The following CDH3 variants were observed in gnomAD, a reference collection of about 807,000 sequenced individuals.
CDH3 encodes cadherin 3.
In CDH3, 54 loss-of-function variants were observed where a neutral mutation model predicts 82.0. That is an observed-to-expected ratio of 0.66 (90% CI 0.53 to 0.83). CDH3 has a LOEUF of 0.83. CDH3 is among the 40% of genes least tolerant of loss of function. The probability of loss-of-function intolerance (pLI) is 0.00; values close to 1 mark genes in which losing one functional copy is unlikely to be tolerated. For synonymous variants in CDH3, 446 were observed against 437.9 expected (o/e 1.02, Z -0.23); for missense variants, 1,054 against 1,084.6 (o/e 0.97, Z 0.40).
chr16:68,681,166 T>G, intron 8 of CDH3, 70 bp downstream of exon 8: 1 of 1,565,906 alleles, frequency 6.4e-7, no homozygotes. Context: ...CTCAGGAAAC[T>G]GGAACCAGTC....
intron 13 of CDH3, 62 bp from the exon 14 acceptor site, chr16:68,695,193 C>T: frequency 6.3e-7 from 1 of 1,596,130 alleles, no homozygotes; most frequent in Non-Finnish European, 8.6e-7. Flanking sequence ...CTCTGAGGGC[C>T]TGGGGGTCTT....
downstream of CDH3, among the ~76,000 whole-genome samples, chr16:68,705,061 C>CA (rs369986566): frequency 6.0e-5 from 9 of 150,890 alleles, no homozygotes; most frequent in East Asian, 1.9e-4. Context: ...GACCCTGCCT[C>CA]AAAAAAAACG....
At chr16:68,729,545 G>T (rs571786314), downstream of CDH3, among the ~76,000 whole-genome samples, 77 of 152,150 alleles carry the variant, frequency 5.1e-4, no homozygotes, top group Non-Finnish European at 3.5e-4. Context: ...TGAACAAAAA[G>T]GGATGGAGAA....
chr16:68,670,301 T>C (rs1292913214), intron 2 of CDH3, among the ~76,000 whole-genome samples: 1 of 151,892 alleles, frequency 6.6e-6, no homozygotes, highest in African/African-American at 2.4e-5. Context: ...CGAACCTGGC[T>C]TTAGAACCTG....
chr16:68,668,767 G>A (rs1960808214), intron 2 of CDH3, among the ~76,000 whole-genome samples: 1 of 152,152 alleles, frequency 6.6e-6, no homozygotes, highest in African/African-American at 2.4e-5. Context: ...TTCCCACTTT[G>A]AGAGAGAATT....
At chr16:68,647,491 CT>C (rs908193916) in intron 2 of CDH3, among the ~76,000 whole-genome samples, 10 of 152,136 alleles carry the variant, frequency 6.6e-5, no homozygotes, top group African/African-American at 2.2e-4. Flanking sequence ...GGAAATTCAG[CT>C]TTCTCGGATG....
intron 7 of CDH3, among the ~76,000 whole-genome samples, chr16:68,680,524 C>T (rs1166183263): frequency 6.6e-6 from 1 of 152,064 alleles, no homozygotes; most frequent in African/African-American, 2.4e-5. Context: ...ACTAAAAATA[C>T]AAAAATTAGC....
At chr16:68,693,453 G>C (rs1045600655) in intron 13 of CDH3, among the ~76,000 whole-genome samples, 7 of 152,130 alleles carry the variant, frequency 4.6e-5, no homozygotes, top group Admixed American at 1.3e-4. Flanking sequence ...TGTGGAATTA[G>C]GGTAAGACCC....
rs372573208 is a variant in CDH3 at position 68,646,502 on chromosome 16, A to ACC, written c.160+760_160+761dup. On this transcript the variant is annotated intron_variant, in intron 2 of 15. Transcript: ENST00000264012. ...CATTTTTGATCCCTCAGTTACTCCT[A>ACC]CCCCCCCCCTCCCCGCCCCAAGTTC... 1.3e-3 allele frequency among the ~76,000 whole-genome samples: 152 copies of ACC among 112,822 alleles called. 1 individual carries two copies. The highest frequency in any genetic ancestry group is 9.7e-3 in the Middle Eastern group (2 of 206). 74.0% of individuals were successfully genotyped at this position (112,822 alleles called of 152,430 possible). A position where few individuals can be genotyped will look rare whatever the true frequency, so the allele number is the denominator to read the frequency against.
At chr16:68,731,322 TGCACTCCA>T (rs1226040369), downstream of CDH3, among the ~76,000 whole-genome samples, 1 of 111,666 alleles carries the variant, frequency 9.0e-6, no homozygotes, top group African/African-American at 3.5e-5. Flanking sequence ...ATCACGCCAT[TGCACTCCA>T]GCACTCCAGC....
rs1458166837 is a variant in CDH3, at chr16:68,648,343, G to A, written c.160+2593G>A. Among the ~76,000 whole-genome samples, 3 of 152,126 alleles carry A rather than the reference G, an allele frequency of 2.0e-5. No homozygotes were observed. The East Asian group carries it at 5.8e-4, about 29-fold the overall frequency. On this transcript the variant is annotated intron_variant, in intron 2 of 15. Transcript: ENST00000264012. ...AATGAATTTGACAACCTTGTGAAGGGCGGCCCATTTTATAGATGAAACCTA... is the reference window on the plus strand; with the variant it reads ...AATGAATTTGACAACCTTGTGAAGGACGGCCCATTTTATAGATGAAACCTA...
chr16:68,657,549 A>G (rs965732376), intron 2 of CDH3, among the ~76,000 whole-genome samples: 9 of 152,108 alleles, frequency 5.9e-5, no homozygotes, highest in South Asian at 2.1e-4. Context: ...CCTCGACCCC[A>G]TCTTTGAACT....
chr16:68,646,510 C>CCCCCCG (rs368020659), intron 2 of CDH3, among the ~76,000 whole-genome samples: 111 of 140,146 alleles, frequency 7.9e-4, no homozygotes, highest in African/African-American at 2.8e-3. Context: ...CTACCCCCCC[C>CCCCCCG]CTCCCCGCCC....
In CDH3 at chr16:68,645,683, C is replaced by T. The variant is rs1259044797; in HGVS notation, c.93C>T (p.Phe31=). The part of the protein sequence containing the change: ...CAASEPCRAV[F]REAEVTLEAG... ...CCTCCGAGCCGTGCCGGGCGGTCTTCAGGGAGGCTGAAGTGACCTTGGAGG... is the reference window on the plus strand; with the variant it reads ...CCTCCGAGCCGTGCCGGGCGGTCTTTAGGGAGGCTGAAGTGACCTTGGAGG... The change falls in exon 2 of 16, where the codon TTC becomes TTT. Residue 31 remains phenylalanine (F), a synonymous_variant. Transcript: ENST00000264012. 6.5e-7 allele frequency: 1 copy of T among 1,545,964 alleles called. No individual in the cohort carries two copies. The highest frequency in any genetic ancestry group is 1.4e-5 in the African/African-American group (1 of 73,114).
intron 2 of CDH3, among the ~76,000 whole-genome samples, chr16:68,653,686 TC>T: frequency 6.6e-6 from 1 of 150,950 alleles, no homozygotes; most frequent in Non-Finnish European, 1.5e-5. Flanking sequence ...TCTTTTCTTT[TC>T]TTTCTTTTTT....
chr16:68,728,805 A>C (rs900222959), downstream of CDH3, among the ~76,000 whole-genome samples: 19 of 152,180 alleles, frequency 1.2e-4, no homozygotes, highest in Non-Finnish European at 2.5e-4. Context: ...CACCTACAGA[A>C]GCTTAGCATC....
intron 9 of CDH3, among the ~76,000 whole-genome samples, chr16:68,683,134 A>G (rs958940950): frequency 1.3e-5 from 2 of 152,130 alleles, no homozygotes; most frequent in East Asian, 1.9e-4. Context: ...AGTTTCTTTT[A>G]CTTCCTGGTT....
chr16:68,705,803 C>T lies in CDH3; in HGVS notation c.99+9880C>T, dbSNP rs190102827. ...CCAGTGAGCCGGGCGCGGTGGCTCA[C>T]GCCTGTAATCCCAGCACTTTGGGAG... On this transcript the variant is annotated intron_variant, in intron 1 of 2. Coordinates refer to the CDH3 transcript ENST00000569080. 1.5e-3 allele frequency among the ~76,000 whole-genome samples: 231 copies of T among 151,472 alleles called. 2 individuals are homozygous for T. The highest frequency in any genetic ancestry group is 6.9e-3 in the Middle Eastern group (2 of 290).
At chr16:68,706,064 C>CA (rs548695101) in intron 1 of CDH3, among the ~76,000 whole-genome samples, 1,511 of 70,332 alleles carry the variant, frequency 0.021, 30 homozygotes, top group African/African-American at 0.046. Flanking sequence ...GACTCCGTCT[C>CA]AAAAAAAAAA....
Sources: gnomAD v4.1 joint callset for allele counts (sites outside exome capture counted in the v4.1 genomes callset) on GRCh38, gnomAD v4.1.1 for gene constraint, MANE v1.5 for transcripts, NCBI Gene and HGNC (gene_info 2026-07-23, HGNC 2026-07-21) for gene names.